USP6NL: variants seen among roughly 807,000 people sequenced by gnomAD.
The protein encoded by USP6NL is USP6 N-terminal-like protein.
A neutral mutation model predicts 61.9 loss-of-function variants in USP6NL; 26 were observed. The observed-to-expected ratio is 0.42, with a 90% CI of 0.31 to 0.58. The LOEUF is 0.58. USP6NL is among the 20% of genes least tolerant of loss of function. USP6NL has a pLI of 0.16. For synonymous variants in USP6NL, 432 were observed against 390.1 expected (o/e 1.11, Z -1.27); for missense variants, 1,114 against 1,034.3 (o/e 1.08, Z -1.06).
At chr10:11,552,646 C>A (rs1162501202) in intron 2 of USP6NL, among the ~76,000 whole-genome samples, 1 of 152,148 alleles carries the variant, frequency 6.6e-6, no homozygotes, top group Admixed American at 6.5e-5. Context: ...TAACACAATT[C>A]ACATTATGCA....
chr10:11,521,225 A>G (rs1835192345), intron 4 of USP6NL, among the ~76,000 whole-genome samples: 1 of 151,012 alleles, frequency 6.6e-6, no homozygotes, highest in Non-Finnish European at 1.5e-5. Context: ...AGTAAATTTT[A>G]TCTAAGTTTA....
rs1566126341 is a variant in USP6NL at position 11,485,774 on chromosome 10, G to T, written c.759+43C>A. Reference sequence around the variant, plus strand: ...AATTTAATTATCCCAGCTTTTTTTGGGGGGTGGGTAGGTGGGTGTAAGTCA... The same window carrying T: ...AATTTAATTATCCCAGCTTTTTTTGTGGGGTGGGTAGGTGGGTGTAAGTCA... On this transcript the variant is annotated intron_variant, in intron 11 of 14. Transcript: ENST00000609104. The surrounding 1 kb of genome is among the most constrained non-coding windows in gnomAD (Gnocchi z 4.8). 1 of 1,302,088 alleles carries T rather than the reference G, an allele frequency of 7.7e-7. No individual in the cohort carries two copies. Among genetic ancestry groups the T allele is most frequent in the Non-Finnish European group, 1.1e-6 (1 of 946,110 alleles). The allele number at this position is 1,302,088 out of a possible 1,614,324, so 80.7% of individuals were successfully genotyped here.
chr10:11,572,894 A>G (rs1288659290), intron 2 of USP6NL, among the ~76,000 whole-genome samples: 1 of 152,152 alleles, frequency 6.6e-6, no homozygotes, highest in Non-Finnish European at 1.5e-5. Context: ...ACTATTTTAA[A>G]TGCTTAAAAA....
chr10:11,556,828 C>T (rs1836724372), intron 2 of USP6NL, among the ~76,000 whole-genome samples: 3 of 152,156 alleles, frequency 2.0e-5, no homozygotes, highest in African/African-American at 7.2e-5. Context: ...GATTGTAATA[C>T]ATAGAGAGGT....
Position 11,485,086 on chromosome 10 carries a change from A to C in USP6NL, c.826-16T>G. The C allele has an allele frequency of 6.5e-7, 1 of 1,537,178 alleles. No individual in the cohort carries two copies. Among genetic ancestry groups the C allele is most frequent in the South Asian group, 1.3e-5 (1 of 79,968 alleles). On this transcript the variant is annotated splice_polypyrimidine_tract_variant and intron_variant, in intron 12 of 14. Transcript: ENST00000609104. The surrounding 1 kb of genome is among the most constrained non-coding windows in gnomAD (Gnocchi z 4.8). Reference sequence around the variant, plus strand: ...TAAAGGGAGTCTACAATTAAAAGCAAAACAAAACAAAAATAGGGTTAACAG... The same window carrying C: ...TAAAGGGAGTCTACAATTAAAAGCACAACAAAACAAAAATAGGGTTAACAG...
chr10:11,607,131 G>A (rs55882231), intron 1 of USP6NL, among the ~76,000 whole-genome samples: 1 of 151,984 alleles, frequency 6.6e-6, no homozygotes, highest in Non-Finnish European at 1.5e-5. Flanking sequence ...AGTTATTATA[G>A]GCCAATTCAT....
At chr10:11,547,871 C>A (rs896028396) in intron 2 of USP6NL, among the ~76,000 whole-genome samples, 1 of 152,154 alleles carries the variant, frequency 6.6e-6, no homozygotes, top group African/African-American at 2.4e-5. Context: ...AAATACAAGG[C>A]ATTTGTTAGG....
rs909477335 is a variant in USP6NL at position 11,591,362 on chromosome 10, T to C, written c.4+6269A>G. 6.6e-6 allele frequency among the ~76,000 whole-genome samples: 1 copy of C among 152,076 alleles called. No homozygotes were observed. The highest frequency in any genetic ancestry group is 2.4e-5 in the African/African-American group (1 of 41,394). ...AAATTTATCTATATTATGCAATACGTTGTAGATCTAAAAGAAAACGTTTAA... is the reference window on the plus strand; with the variant it reads ...AAATTTATCTATATTATGCAATACGCTGTAGATCTAAAAGAAAACGTTTAA... On this transcript the variant is annotated intron_variant, in intron 2 of 14. Transcript: ENST00000609104. This position sits in a 1 kb window ranked among gnomAD's most constrained non-coding sequence, Gnocchi z 4.7.
In USP6NL at chr10:11,490,496, GC is replaced by G. The variant is rs1387933654; in HGVS notation, c.543+335del. Among the ~76,000 whole-genome samples, 1 of 152,110 alleles carries G rather than the reference GC, an allele frequency of 6.6e-6. No homozygotes were observed. The highest frequency in any genetic ancestry group is 1.9e-4 in the East Asian group (1 of 5,200). Reference sequence around the variant, plus strand: ...AAAAAGTCAAGCAAAAATTAACCAAGCCACCCACTTCCTGTCCTTCTACCCT... The same window carrying G: ...AAAAAGTCAAGCAAAAATTAACCAAGCACCCACTTCCTGTCCTTCTACCCT... On this transcript the variant is annotated intron_variant, in intron 9 of 14. Coordinates refer to ENST00000609104, the MANE Select transcript of USP6NL (RefSeq NM_014688.5). This position sits in a 1 kb window ranked among gnomAD's most constrained non-coding sequence, Gnocchi z 4.5.
Position 11,485,266 on chromosome 10 carries a change from T to C in USP6NL, c.760-32A>G. The C allele has an allele frequency of 1.3e-6, 2 of 1,493,170 alleles. No homozygotes were observed. The highest frequency in any genetic ancestry group is 2.7e-5 in the Admixed American group (1 of 37,066). 92.5% of individuals were successfully genotyped at this position (1,493,170 alleles called of 1,614,324 possible). ...AAACAAAGAGCTCACAATTTATGGATTGTAGCAAACTAAATTTAACAAAAT... is the reference window on the plus strand; with the variant it reads ...AAACAAAGAGCTCACAATTTATGGACTGTAGCAAACTAAATTTAACAAAAT... On this transcript the variant is annotated intron_variant, in intron 11 of 14. Coordinates refer to ENST00000609104, the MANE Select transcript of USP6NL (RefSeq NM_014688.5). This position sits in a 1 kb window ranked among gnomAD's most constrained non-coding sequence, Gnocchi z 4.8.
At chr10:11,494,987 C>A (rs1050644637) in intron 7 of USP6NL, among the ~76,000 whole-genome samples, 1 of 152,072 alleles carries the variant, frequency 6.6e-6, no homozygotes, top group Admixed American at 6.5e-5. Flanking sequence ...TCTCTAAACT[C>A]CCCCGGGGAA....
Position 11,481,291 on chromosome 10 carries a change from G to T in USP6NL, c.1078+479C>A, listed in dbSNP as rs982919688. ...GGCTAGTAGTCAGAAAAACTGGCCT[G>T]CAGTCTCAGTAATGCTATTTGTGGT... On this transcript the variant is annotated intron_variant, in intron 14 of 14. Transcript: ENST00000609104. The surrounding 1 kb of genome is among the most constrained non-coding windows in gnomAD (Gnocchi z 4.4). 1.3e-5 allele frequency among the ~76,000 whole-genome samples: 2 copies of T among 148,368 alleles called. No homozygotes were observed. Among genetic ancestry groups the T allele is most frequent in the African/African-American group, 5.0e-5 (2 of 40,312 alleles).
chr10:11,514,651 C>G (rs990146782), intron 5 of USP6NL, among the ~76,000 whole-genome samples: 3 of 152,124 alleles, frequency 2.0e-5, no homozygotes, highest in African/African-American at 7.2e-5. Flanking sequence ...TTTGGCCCAC[C>G]TTATACTCTC....
At chr10:11,534,640 G>C (rs774172402) in intron 2 of USP6NL, among the ~76,000 whole-genome samples, 1 of 152,168 alleles carries the variant, frequency 6.6e-6, no homozygotes, top group Non-Finnish European at 1.5e-5. Context: ...AGTGAGAAAA[G>C]TCAGTCTGAC....
chr10:11,573,971 A>G (rs1837450506), intron 2 of USP6NL: 1 of 261,352 alleles, frequency 3.8e-6, no homozygotes, highest in African/African-American at 2.2e-5. Context: ...CTAGTTATAA[A>G]CAAAACAAAA....
At chr10:11,467,589 A>T (rs1186836098) in intron 14 of USP6NL, among the ~76,000 whole-genome samples, 1 of 152,234 alleles carries the variant, frequency 6.6e-6, no homozygotes, top group Non-Finnish European at 1.5e-5. Flanking sequence ...TAAGGTATAG[A>T]AACTTGTAGC....
chr10:11,490,474 A>G lies in USP6NL; in HGVS notation c.543+358T>C, dbSNP rs1367685771. Among the ~76,000 whole-genome samples the G allele has an allele frequency of 6.6e-6, 1 of 152,236 alleles. No individual in the cohort carries two copies. Among genetic ancestry groups the G allele is most frequent in the Non-Finnish European group, 1.5e-5 (1 of 68,040 alleles). On this transcript the variant is annotated intron_variant, in intron 9 of 14. Transcript: ENST00000609104. The surrounding 1 kb of genome is among the most constrained non-coding windows in gnomAD (Gnocchi z 4.5). ...TCCCAAGAGCAAAGAGAGTTATAAA[A>G]AGTCAAGCAAAAATTAACCAAGCCA...
At position 11,490,383 on chromosome 10, in the gene USP6NL, CAGTAAGGGCAT is replaced by C; in HGVS notation, c.543+438_543+448del. ...AGTTTAGCCTCCTCCTGGGGATAGC[CAGTAAGGGCAT>C]AGTTATCTTGTTTGGACCTCACCTA... On this transcript the variant is annotated intron_variant, in intron 9 of 14. Coordinates refer to ENST00000609104, the MANE Select transcript of USP6NL (RefSeq NM_014688.5). The surrounding 1 kb of genome is among the most constrained non-coding windows in gnomAD (Gnocchi z 4.5). Among the ~76,000 whole-genome samples the C allele has an allele frequency of 1.3e-5, 2 of 152,232 alleles. No homozygotes were observed. Among genetic ancestry groups the C allele is most frequent in the East Asian group, 3.9e-4 (2 of 5,178 alleles).
chr10:11,527,707 G>A, intron 2 of USP6NL, 140 bp from the exon 3 acceptor site: 1 of 780,632 alleles, frequency 1.3e-6, no homozygotes, highest in South Asian at 1.9e-5. Flanking sequence ...AAAAGGATGA[G>A]TTAAGTATTT....
Sources: gnomAD v4.1 joint callset for allele counts (sites outside exome capture counted in the v4.1 genomes callset) on GRCh38, gnomAD v4.1.1 for gene constraint, Gnocchi (gnomAD v3.1) non-coding constraint, MANE v1.5 for transcripts, NCBI Gene and HGNC (gene_info 2026-07-23, HGNC 2026-07-21) for gene names.